The following C3orf20 variants were observed in gnomAD, a reference collection of about 807,000 sequenced individuals.
C3orf20 encodes the protein family with sequence similarity 149 member C.
In C3orf20, 76 loss-of-function variants were observed where a neutral mutation model predicts 88.3. The ratio of observed to expected loss-of-function variants is 0.86; its 90% CI spans 0.72 to 1.04. The LOEUF (loss-of-function observed/expected upper bound fraction) is 1.04, where lower values mean the gene tolerates loss of function less well. Among genes scored for constraint, C3orf20 ranks in the 50% least tolerant of loss-of-function variants. The pLI, the probability that C3orf20 is intolerant of heterozygous loss-of-function variation, is 0.00. For missense variants in C3orf20, 1,056 were observed against 1,123.3 expected, an observed-to-expected ratio of 0.94 and a Z score of 0.86; for synonymous variants, 436 against 437.4, an observed-to-expected ratio of 1.00 and a Z score of 0.04.
chr3:14,712,376 G>A (rs2033785982), intron 7 of C3orf20, among the ~76,000 whole-genome samples: 1 of 152,064 alleles, frequency 6.6e-6, no homozygotes, highest in African/African-American at 2.4e-5. Flanking sequence ...CTTGATCTTG[G>A]ACGTTCAGCC....
chr3:14,726,780 G>C, intron 10 of C3orf20, 121 bp from the exon 11 acceptor site: 1 of 1,354,842 alleles, frequency 7.4e-7, no homozygotes, highest in East Asian at 2.3e-5. Context: ...GTTCCAGGTA[G>C]GGGTAGGGGG....
intron 1 of C3orf20, among the ~76,000 whole-genome samples, chr3:14,675,659 C>T (rs1007897463): frequency 1.3e-5 from 2 of 151,480 alleles, no homozygotes; most frequent in Non-Finnish European, 2.9e-5. Flanking sequence ...ATTGAAACAG[C>T]TTCTTTCTCC....
intron 12 of C3orf20, among the ~76,000 whole-genome samples, chr3:14,732,702 A>G (rs759609155): frequency 8.5e-5 from 13 of 152,224 alleles, no homozygotes; most frequent in Non-Finnish European, 1.9e-4. Context: ...GCAATGCACA[A>G]AACAGCTCCA....
intron 1 of C3orf20, among the ~76,000 whole-genome samples, chr3:14,677,577 T>C (rs2031844574): frequency 6.6e-6 from 1 of 152,154 alleles, no homozygotes. Context: ...CTCAACTCAC[T>C]GCAACCTCTG....
intron 3 of C3orf20, 148 bp from the exon 4 acceptor site, chr3:14,684,094 C>G: frequency 9.6e-7 from 1 of 1,042,386 alleles, no homozygotes; most frequent in Non-Finnish European, 1.4e-6. Flanking sequence ...AGCTTGAGAG[C>G]CTTTCACAGT....
At chr3:14,685,460 T>TTCTCTCTC (rs60024348) in intron 4 of C3orf20, among the ~76,000 whole-genome samples, 19 of 139,098 alleles carry the variant, frequency 1.4e-4, no homozygotes, top group East Asian at 2.1e-4. Flanking sequence ...CTCTCTCTGT[T>TTCTCTCTC]TCTCTCTCTC....
At chr3:14,712,671 A>G (rs1361370755) in intron 7 of C3orf20, among the ~76,000 whole-genome samples, 1 of 152,202 alleles carries the variant, frequency 6.6e-6, no homozygotes, top group East Asian at 1.9e-4. Context: ...TCATATAGGA[A>G]AAAAAGAAAA....
intron 12 of C3orf20, among the ~76,000 whole-genome samples, chr3:14,729,425 G>A (rs1358624713): frequency 2.0e-5 from 3 of 152,204 alleles, no homozygotes; most frequent in African/African-American, 7.2e-5. Context: ...TAGTGAGGCT[G>A]GAGTGTGGTG....
chr3:14,702,933 T>C (rs1231225632), intron 5 of C3orf20, among the ~76,000 whole-genome samples, 197 bp from the exon 6 acceptor site: 1 of 152,202 alleles, frequency 6.6e-6, no homozygotes, highest in African/African-American at 2.4e-5. Flanking sequence ...GAGTAAATAC[T>C]GCCATTCCAA....
chr3:14,690,250 T>A, intron 5 of C3orf20, 134 bp downstream of exon 5: 2 of 1,239,324 alleles, frequency 1.6e-6, no homozygotes, highest in Non-Finnish European at 2.2e-6. Flanking sequence ...ATAGCGGCTC[T>A]GCCTGGAGAT....
chr3:14,764,480 T>TTTACTATTATTA lies in C3orf20; in HGVS notation c.2495+2868_2495+2869insCTATTATTATTA, dbSNP rs1553618273. 4.7e-5 allele frequency among the ~76,000 whole-genome samples: 7 copies of TTTACTATTATTA among 148,688 alleles called. No homozygotes were observed. In the South Asian group the frequency reaches 1.5e-3, roughly 32 times the overall value. On this transcript the variant is annotated intron_variant, in intron 15 of 16. Coordinates refer to ENST00000253697, the MANE Select transcript of C3orf20 (RefSeq NM_032137.5). ...TTTGTAGGATAAAACAACACAATCG[T>TTTACTATTATTA]TTATTATTATTATTATTATTATTAT...
At chr3:14,754,335 C>T (rs375968615) in intron 12 of C3orf20, among the ~76,000 whole-genome samples, 21 of 152,184 alleles carry the variant, frequency 1.4e-4, no homozygotes, top group African/African-American at 5.1e-4. Context: ...CTCAGGGAAC[C>T]TCTAGACAGG....
intron 5 of C3orf20, among the ~76,000 whole-genome samples, chr3:14,690,860 A>C (rs2032695669): frequency 6.6e-6 from 1 of 152,208 alleles, no homozygotes; most frequent in African/African-American, 2.4e-5. Context: ...AGGAATGCTC[A>C]GGCTGTCCAG....
At chr3:14,693,785 G>A (rs1032639349) in intron 5 of C3orf20, among the ~76,000 whole-genome samples, 1 of 152,150 alleles carries the variant, frequency 6.6e-6, no homozygotes, top group Non-Finnish European at 1.5e-5. Flanking sequence ...TAGAGGAAAG[G>A]CTTTCAGTTT....
chr3:14,727,636 C>T (rs1041334819), intron 11 of C3orf20, among the ~76,000 whole-genome samples: 14 of 152,340 alleles, frequency 9.2e-5, no homozygotes, highest in African/African-American at 3.1e-4. Context: ...GCTTCCCCCA[C>T]TGTCTCTCTG....
In C3orf20 at chr3:14,727,043, G is replaced by A. The variant is rs368503762; in HGVS notation, c.1690+19G>A. ...GCCGCAGGTAAGGAGGCTGAAAGGT[G>A]GGCGAAGGCCTATCTGTTGGCTTCC... On this transcript the variant is annotated intron_variant, in intron 11 of 16. Transcript: ENST00000253697. 1.0e-4 allele frequency: 165 copies of A among 1,613,842 alleles called. No individual in the cohort carries two copies. Among genetic ancestry groups the A allele is most frequent in the Non-Finnish European group, 1.3e-4 (157 of 1,179,930 alleles).
chr3:14,726,058 G>C (rs1254805868), intron 10 of C3orf20, among the ~76,000 whole-genome samples: 1 of 152,204 alleles, frequency 6.6e-6, no homozygotes, highest in Non-Finnish European at 1.5e-5. Flanking sequence ...TGCCCCAGCT[G>C]TTCAGAGCAG....
intron 7 of C3orf20, among the ~76,000 whole-genome samples, chr3:14,711,882 C>T (rs1175184871): frequency 2.0e-5 from 3 of 152,042 alleles, no homozygotes; most frequent in African/African-American, 4.8e-5. Flanking sequence ...TCAGTTCCTT[C>T]ATTACTTCCA....
In C3orf20 at chr3:14,757,608, G is replaced by A. The variant is rs760694504; in HGVS notation, c.2178G>A (p.Gln726=). The A allele has an allele frequency of 5.6e-6, 9 of 1,613,884 alleles. No individual in the cohort carries two copies. The East Asian group carries it at 1.8e-4, about 32-fold the overall frequency. Residue 726 remains glutamine (Q), a synonymous_variant, in exon 13 of 17, where the codon CAG becomes CAA. Transcript: ENST00000253697. Reference sequence around the variant, plus strand: ...GCCAGAACTACACCAGCACTGGGCAGCTCCAGTGGCTGCTGAACACTCTCT... The same window carrying A: ...GCCAGAACTACACCAGCACTGGGCAACTCCAGTGGCTGCTGAACACTCTCT... ...ISSQNYTSTG[Q]LQWLLNTLYN...
Sources: allele counts gnomAD v4.1 joint callset (sites outside exome capture counted in the v4.1 genomes callset), GRCh38; gene constraint gnomAD v4.1.1; transcripts MANE v1.5; gene names NCBI Gene and HGNC (gene_info 2026-07-23, HGNC 2026-07-21).